SUMF1: variants seen among roughly 807,000 people sequenced by gnomAD.
The protein encoded by SUMF1 is sulfatase modifying factor 1, also known as formylglycine-generating enzyme.
Under a neutral mutation model 47.6 loss-of-function variants are expected in SUMF1, and 48 were observed. The observed-to-expected ratio is 1.01, with a 90% confidence interval of 0.80 to 1.28. The LOEUF is 1.28. SUMF1 is among the 50% of genes most tolerant of loss of function. SUMF1 has a pLI of 0.00. For missense variants in SUMF1, 571 were observed against 485.4 expected, an observed-to-expected ratio of 1.18 and a Z score of -1.66; for synonymous variants, 230 against 192.1, an observed-to-expected ratio of 1.20 and a Z score of -1.63.
chr3:4,456,444 G>A (rs1575246947), intron 1 of SUMF1, among the ~76,000 whole-genome samples: 2 of 134,088 alleles, frequency 1.5e-5, no homozygotes, highest in Admixed American at 7.6e-5. Flanking sequence ...TAGATGCCAT[G>A]TTTTTCTTTG....
intron 9 of SUMF1, among the ~76,000 whole-genome samples, chr3:4,050,748 C>CAAAAAAAAAAA (rs34228101): frequency 1.2e-5 from 1 of 86,916 alleles, no homozygotes; most frequent in Admixed American, 1.3e-4. Flanking sequence ...GACCCTGTCT[C>CAAAAAAAAAAA]AAAAAAAAAA....
chr3:4,405,914 G>A (rs948875201), intron 7 of SUMF1, among the ~76,000 whole-genome samples: 1 of 152,210 alleles, frequency 6.6e-6, no homozygotes, highest in Non-Finnish European at 1.5e-5. Context: ...GGAAGCATAA[G>A]CAAAGTTTTC....
intron 1 of SUMF1, among the ~76,000 whole-genome samples, chr3:4,455,524 T>A (rs1703130155): frequency 6.6e-6 from 1 of 152,208 alleles, no homozygotes; most frequent in African/African-American, 2.4e-5. Context: ...CAGGCCAGCC[T>A]GGCCAACACG....
rs189341718 is a variant in SUMF1, at chr3:4,088,308, A to G, written c.1015-19563T>C. Among the ~76,000 whole-genome samples, 9 of 152,276 alleles carry G rather than the reference A, an allele frequency of 5.9e-5. No individual in the cohort carries two copies. The East Asian group carries it at 1.5e-3, about 26-fold the overall frequency. ...TGACATTCAACCTTAGGAAATAGGC[A>G]AAAATCATATTCTGAATTTCTTTCA... On this transcript the variant is annotated intron_variant and NMD_transcript_variant, in intron 8 of 12. Coordinates refer to the SUMF1 transcript ENST00000448413.
chr3:4,055,265 A>T (rs1307310012), intron 9 of SUMF1, among the ~76,000 whole-genome samples: 2 of 152,186 alleles, frequency 1.3e-5, no homozygotes, highest in African/African-American at 4.8e-5. Flanking sequence ...CAATACAGAC[A>T]AAAGTACAAA....
At chr3:4,052,710 G>C (rs986671225) in intron 9 of SUMF1, among the ~76,000 whole-genome samples, 5 of 152,126 alleles carry the variant, frequency 3.3e-5, no homozygotes, top group Admixed American at 1.3e-4. Flanking sequence ...TCAAGAGATA[G>C]GCAGAACAAT....
intron 8 of SUMF1, among the ~76,000 whole-genome samples, chr3:4,237,106 C>A (rs1696426470): frequency 6.6e-6 from 1 of 152,108 alleles, no homozygotes; most frequent in Non-Finnish European, 1.5e-5. Context: ...AATATCACAT[C>A]ATAGGGATAT....
intron 8 of SUMF1, among the ~76,000 whole-genome samples, chr3:4,152,128 T>C (rs1393610604): frequency 1.3e-5 from 2 of 151,486 alleles, no homozygotes; most frequent in Admixed American, 6.5e-5. Context: ...ACAGAAGCAC[T>C]ACACTGGGGA....
chr3:4,414,293 T>A (rs958151567), intron 6 of SUMF1, among the ~76,000 whole-genome samples: 4 of 152,122 alleles, frequency 2.6e-5, no homozygotes, highest in Non-Finnish European at 4.4e-5. Context: ...ATCATGCCAC[T>A]GCACTCCAGC....
In SUMF1 at chr3:4,456,884, GTGTA is replaced by G. The variant is rs1559312862; in HGVS notation, c.271-3839_271-3836del. On this transcript the variant is annotated intron_variant, in intron 1 of 8. Coordinates refer to ENST00000272902, the MANE Select transcript of SUMF1 (RefSeq NM_182760.4). ...TATGTGTGTGTATATCTATATGTGT[GTGTA>G]TATATATGTGTGTGTATATCTATAT... Among the ~76,000 whole-genome samples the G allele has an allele frequency of 7.0e-3, 663 of 94,188 alleles. 45 individuals carry two copies. The highest frequency in any genetic ancestry group is 0.023 in the African/African-American group (623 of 26,682). The allele number at this position is 94,188 out of a possible 152,430, so 61.8% of individuals were successfully genotyped here.
At chr3:4,420,258 C>T in intron 3 of SUMF1, 112 bp from the exon 4 acceptor site, 1 of 791,870 alleles carries the variant, frequency 1.3e-6, no homozygotes, top group East Asian at 2.6e-5. Context: ...ATTTGGATTA[C>T]CAAACAAATA....
chr3:4,288,793 G>C (rs904393724), intron 8 of SUMF1, among the ~76,000 whole-genome samples: 2 of 130,902 alleles, frequency 1.5e-5, no homozygotes, highest in Non-Finnish European at 3.1e-5. Context: ...AACAGAGCGA[G>C]ACTCTGTCTA....
intron 8 of SUMF1, among the ~76,000 whole-genome samples, chr3:4,318,744 C>G (rs1040106093): frequency 1.3e-5 from 2 of 152,124 alleles, no homozygotes; most frequent in South Asian, 2.1e-4. Flanking sequence ...CCTGTCCATA[C>G]TAAAACTACA....
intron 8 of SUMF1, among the ~76,000 whole-genome samples, chr3:4,240,776 C>A (rs1036959429): frequency 2.0e-5 from 3 of 151,630 alleles, no homozygotes; most frequent in Non-Finnish European, 4.4e-5. Context: ...CAAATGTCAT[C>A]ATTAAAATAT....
chr3:4,042,486 A>G (rs1410998986), intron 9 of SUMF1, among the ~76,000 whole-genome samples: 2 of 152,216 alleles, frequency 1.3e-5, no homozygotes, highest in Non-Finnish European at 2.9e-5. Flanking sequence ...AAACTTACAC[A>G]AAAGAATACC....
At chr3:4,137,430 C>T (rs1327443184) in intron 8 of SUMF1, among the ~76,000 whole-genome samples, 2 of 135,250 alleles carry the variant, frequency 1.5e-5, no homozygotes, top group Non-Finnish European at 3.0e-5. Context: ...TATGAGAACA[C>T]TTGGACACAG....
intron 8 of SUMF1, among the ~76,000 whole-genome samples, chr3:4,245,786 G>T (rs1032259492): frequency 2.0e-5 from 3 of 152,192 alleles, no homozygotes; most frequent in Non-Finnish European, 1.5e-5. Flanking sequence ...CTGTCAGGCA[G>T]GGACGTTTAA....
intron 8 of SUMF1, among the ~76,000 whole-genome samples, chr3:4,221,445 G>A (rs1696062571): frequency 7.2e-6 from 1 of 138,260 alleles, no homozygotes; most frequent in African/African-American, 2.9e-5. Context: ...GTGTGTGTGT[G>A]TGTGTGTTTT....
chr3:4,239,761 T>C (rs1245858088), intron 8 of SUMF1, among the ~76,000 whole-genome samples: 3 of 152,216 alleles, frequency 2.0e-5, no homozygotes, highest in Non-Finnish European at 4.4e-5. Flanking sequence ...ATACCCTTTA[T>C]TTCTTTCTCT....
Sources: gnomAD v4.1 joint callset for allele counts (sites outside exome capture counted in the v4.1 genomes callset) on GRCh38, gnomAD v4.1.1 for gene constraint, MANE v1.5 for transcripts, NCBI Gene and HGNC (gene_info 2026-07-23, HGNC 2026-07-21) for gene names.